Variants in RAD51B observed in about 807,000 individuals in gnomAD.
The protein encoded by RAD51B is DNA repair protein RAD51 homolog 2.
RAD51B carries 38 observed loss-of-function variants against 42.2 expected under a neutral mutation model. The observed-to-expected ratio is 0.90, with a 90% CI of 0.70 to 1.18. The LOEUF (loss-of-function observed/expected upper bound fraction) is 1.18, where lower values mean the gene tolerates loss of function less well. Ranked by LOEUF, RAD51B falls within the 50% of genes most tolerant of loss-of-function variation. RAD51B has a pLI of 0.00. For synonymous variants in RAD51B, 154 were observed against 145.2 expected (o/e 1.06, Z -0.43); for missense variants, 373 against 400.7 (o/e 0.93, Z 0.59).
chr14:68,208,393 T>C (rs1223175481), intron 7 of RAD51B, among the ~76,000 whole-genome samples: 1 of 152,216 alleles, frequency 6.6e-6, no homozygotes, highest in Non-Finnish European at 1.5e-5. Context: ...ATGCTTTCTT[T>C]TGGAGAGAAG....
Position 68,550,002 on chromosome 14 carries a change from C to T in RAD51B, c.1037-44483C>T, listed in dbSNP as rs116496892. ...AGGATTGGGGGACTCAGAAGGAGGG[C>T]GTAGATTGTCCTGCTACAGAAAAAG... On this transcript the variant is annotated intron_variant, in intron 10 of 10. Coordinates refer to the RAD51B transcript ENST00000487270. 9.3e-3 allele frequency among the ~76,000 whole-genome samples: 1,413 copies of T among 152,232 alleles called. 21 individuals are homozygous for T. Among genetic ancestry groups the T allele is most frequent in the African/African-American group, 0.031 (1,299 of 41,526 alleles).
At chr14:68,562,725 A>C in intron 10 of RAD51B, 1 of 985,396 alleles carries the variant, frequency 1.0e-6, no homozygotes. Context: ...CCCCACAGCT[A>C]TTCATCCCCC....
chr14:67,985,170 A>G (rs1000102111), intron 7 of RAD51B, among the ~76,000 whole-genome samples: 1 of 152,228 alleles, frequency 6.6e-6, no homozygotes, highest in Non-Finnish European at 1.5e-5. Context: ...TAAGCCATTC[A>G]TGTGGTTTTA....
At chr14:68,673,828 T>G (rs895235787) in intron 11 of RAD51B, among the ~76,000 whole-genome samples, 2 of 146,844 alleles carry the variant, frequency 1.4e-5, no homozygotes, top group African/African-American at 2.6e-5. Context: ...ATACACATAC[T>G]GTACATACAC....
chr14:68,112,479 C>T (rs1309344867), intron 7 of RAD51B, among the ~76,000 whole-genome samples: 2 of 152,124 alleles, frequency 1.3e-5, no homozygotes, highest in Non-Finnish European at 2.9e-5. Context: ...CGTAGAGATA[C>T]ATGATGACAC....
At chr14:68,506,867 A>G (rs190233553) in intron 10 of RAD51B, among the ~76,000 whole-genome samples, 45 of 152,290 alleles carry the variant, frequency 3.0e-4, no homozygotes, top group Non-Finnish European at 6.3e-4. Context: ...CAGAGGGGGA[A>G]GCTGAAAGAA....
intron 7 of RAD51B, among the ~76,000 whole-genome samples, chr14:68,146,125 T>G (rs1182054913): frequency 2.6e-5 from 4 of 152,056 alleles, no homozygotes; most frequent in African/African-American, 7.3e-5. Flanking sequence ...AAACAAAAGC[T>G]AAGATGGATT....
At chr14:68,594,364 GC>G in intron 10 of RAD51B, 1 of 929,154 alleles carries the variant, frequency 1.1e-6, no homozygotes, top group Non-Finnish European at 1.5e-6. Flanking sequence ...ACATTCCTAT[GC>G]CATACCCCTT....
intron 7 of RAD51B, among the ~76,000 whole-genome samples, chr14:68,188,030 G>T (rs1025052136): frequency 6.6e-6 from 1 of 152,058 alleles, no homozygotes; most frequent in Non-Finnish European, 1.5e-5. Context: ...AACCAAGCTG[G>T]TCTTGAACTC....
intron 11 of RAD51B, among the ~76,000 whole-genome samples, chr14:68,682,066 A>T (rs1377053132): frequency 6.6e-6 from 1 of 152,234 alleles, no homozygotes; most frequent in Admixed American, 6.5e-5. Flanking sequence ...ATTAAAAAAA[A>T]GAATTCCCAC....
chr14:68,024,256 T>C (rs375386429), intron 7 of RAD51B, among the ~76,000 whole-genome samples: 46 of 152,338 alleles, frequency 3.0e-4, no homozygotes, highest in East Asian at 2.7e-3. Context: ...TAGTACAGTT[T>C]GAAGTCAATT....
At chr14:68,052,309 A>G (rs2076405763) in intron 7 of RAD51B, among the ~76,000 whole-genome samples, 1 of 152,088 alleles carries the variant, frequency 6.6e-6, no homozygotes, top group African/African-American at 2.4e-5. Context: ...AATAACTAAC[A>G]TTTAATATAT....
Position 68,468,152 on chromosome 14 carries a change from A to G in RAD51B, c.958-20A>G. 1.2e-6 allele frequency: 2 copies of G among 1,609,542 alleles called. No homozygotes were observed. The highest frequency in any genetic ancestry group is 1.7e-6 in the Non-Finnish European group (2 of 1,175,888). On this transcript the variant is annotated intron_variant, in intron 9 of 10. Transcript: ENST00000471583. ...CCCTGATCCTTTGACTAACCCTAGA[A>G]AAATGTGCTTTATGTGCAGATTCTT... is the stretch of plus-strand genomic sequence containing the variant.
chr14:67,874,377 C>T (rs954105052), intron 5 of RAD51B, among the ~76,000 whole-genome samples: 3 of 151,950 alleles, frequency 2.0e-5, no homozygotes, highest in African/African-American at 7.3e-5. Context: ...GAATGTGGCC[C>T]AACAAATTCA....
intron 7 of RAD51B, among the ~76,000 whole-genome samples, chr14:68,056,423 A>C (rs963493146): frequency 1.3e-5 from 2 of 151,670 alleles, no homozygotes; most frequent in African/African-American, 4.8e-5. Context: ...TGCTGGGATT[A>C]CAGGTGTGAG....
intron 9 of RAD51B, among the ~76,000 whole-genome samples, chr14:68,418,185 C>T (rs1340400488): frequency 6.6e-6 from 1 of 152,152 alleles, no homozygotes; most frequent in African/African-American, 2.4e-5. Context: ...ACCACCATTT[C>T]AAAAAGGTAA....
intron 7 of RAD51B, among the ~76,000 whole-genome samples, chr14:68,279,246 G>GA (rs1159089037): frequency 6.6e-6 from 1 of 152,226 alleles, no homozygotes; most frequent in African/African-American, 2.4e-5. Flanking sequence ...TAACCAGACA[G>GA]AAAAAAGCTT....
chr14:68,559,108 T>C (rs963974113), intron 10 of RAD51B, among the ~76,000 whole-genome samples: 1 of 151,756 alleles, frequency 6.6e-6, no homozygotes, highest in African/African-American at 2.4e-5. Flanking sequence ...TATAGTGTTA[T>C]ATATATGTGT....
At chr14:68,555,081 C>G (rs916250698) in intron 10 of RAD51B, among the ~76,000 whole-genome samples, 25 of 152,052 alleles carry the variant, frequency 1.6e-4, no homozygotes, top group Non-Finnish European at 3.2e-4. Flanking sequence ...CTCCTGACCT[C>G]GTGATCCGCC....
Sources: allele counts gnomAD v4.1 joint callset (sites outside exome capture counted in the v4.1 genomes callset), GRCh38; gene constraint gnomAD v4.1.1; transcripts MANE v1.5; gene names NCBI Gene and HGNC (gene_info 2026-07-23, HGNC 2026-07-21).